Variants in ING5 observed in about 807,000 individuals in gnomAD.
ING5 encodes inhibitor of growth protein 5.
A neutral mutation model predicts 37.4 loss-of-function variants in ING5; 17 were observed. The observed-to-expected ratio is 0.45, with a 90% CI of 0.31 to 0.68. The LOEUF is 0.68. Ranked by LOEUF, ING5 falls within the 30% of genes least tolerant of loss-of-function variation. The pLI, the probability that ING5 is intolerant of heterozygous loss-of-function variation, is 0.05. For synonymous variants in ING5, 123 were observed against 116.6 expected (o/e 1.06, Z -0.36); for missense variants, 233 against 311.9 (o/e 0.75, Z 1.91).
rs991203559 is a variant in ING5 at position 241,727,282 on chromosome 2, G to A, written c.*2251G>A. ...ATGACTTAACTTTTTGTTAGCACAG[G>A]TTTTGTGTGTGTGTGTGTGTGTGTG... On this transcript the variant is annotated 3_prime_UTR_variant, in exon 8 of 8. Coordinates refer to ENST00000313552, the MANE Select transcript of ING5 (RefSeq NM_032329.6). The A allele has an allele frequency of 6.6e-6, 1 of 150,698 alleles. No homozygotes were observed. Among genetic ancestry groups the A allele is most frequent in the Admixed American group, 6.6e-5 (1 of 15,162 alleles). 9.3% of individuals were successfully genotyped at this position (150,698 alleles called of 1,614,324 possible).
intron 3 of ING5, among the ~76,000 whole-genome samples, chr2:241,709,796 G>A (rs2070050347): frequency 6.6e-6 from 1 of 151,702 alleles, no homozygotes; most frequent in African/African-American, 2.4e-5. Flanking sequence ...TAGAAGAGAC[G>A]GGGTTTCACC....
intron 2 of ING5, among the ~76,000 whole-genome samples, chr2:241,708,272 A>G (rs1176808483): frequency 6.8e-6 from 1 of 146,194 alleles, no homozygotes; most frequent in African/African-American, 2.6e-5. Flanking sequence ...CAGTGGCGCT[A>G]TCTTGGCTTT....
In ING5 at chr2:241,719,271, C is replaced by T. The variant is rs141832098; in HGVS notation, c.483-3668C>T. ...TCTGGACTATAAATGTCGGTGGGGA[C>T]GCGGCCGCCATGTGTGGCTGTGTGG... On this transcript the variant is annotated intron_variant, in intron 5 of 7. Transcript: ENST00000313552. 1.1e-3 allele frequency among the ~76,000 whole-genome samples: 164 copies of T among 152,328 alleles called. 1 individual carries two copies. The highest frequency in any genetic ancestry group is 3.7e-3 in the African/African-American group (154 of 41,566).
intron 5 of ING5, chr2:241,719,715 C>T: frequency 1.3e-6 from 2 of 1,492,232 alleles, no homozygotes; most frequent in South Asian, 1.3e-5. Context: ...GGGCTCTGCC[C>T]AGCTTCAGAG....
At chr2:241,709,182 T>C (rs1299576750) in intron 2 of ING5, 34 bp from the exon 3 acceptor site, 2 of 1,591,026 alleles carry the variant, frequency 1.3e-6, no homozygotes, top group Admixed American at 3.5e-5. Context: ...TGGTGTCTTG[T>C]GCAGGGCTAG....
chr2:241,724,173 T>A, intron 7 of ING5: 1 of 661,066 alleles, frequency 1.5e-6, no homozygotes, highest in Non-Finnish European at 2.0e-6. Flanking sequence ...TCGCCCGAGT[T>A]GGTAAGAGCC....
At chr2:241,719,664 G>A (rs1162466636) in intron 5 of ING5, 3 of 1,534,396 alleles carry the variant, frequency 2.0e-6, no homozygotes, top group South Asian at 1.2e-5. Context: ...GGGGGTGAAG[G>A]AGACTCCAGC....
intron 2 of ING5, among the ~76,000 whole-genome samples, chr2:241,706,505 T>G (rs1448713569): frequency 1.3e-5 from 2 of 151,494 alleles, no homozygotes; most frequent in Non-Finnish European, 2.9e-5. Flanking sequence ...GGCGCACGCC[T>G]ATAATCCCAG....
upstream of ING5, among the ~76,000 whole-genome samples, chr2:241,698,688 T>C (rs920677267): frequency 1.3e-5 from 2 of 152,150 alleles, no homozygotes; most frequent in Non-Finnish European, 2.9e-5. Context: ...ATCACAGTCC[T>C]GCCCCCTGGG....
intron 4 of ING5, 109 bp downstream of exon 4, chr2:241,711,597 T>C: frequency 3.5e-6 from 3 of 851,938 alleles, no homozygotes; most frequent in South Asian, 1.8e-5. Flanking sequence ...AAGTATCATA[T>C]TTGGGTAAAC....
intron 7 of ING5, chr2:241,723,679 C>T (rs1000182821): frequency 7.6e-7 from 1 of 1,321,880 alleles, no homozygotes; most frequent in African/African-American, 1.5e-5. Context: ...GAAGCCGGGG[C>T]ATGGATCTGG....
intron 7 of ING5, 97 bp downstream of exon 7, chr2:241,723,368 G>A (rs888390687): frequency 3.9e-5 from 52 of 1,321,352 alleles, no homozygotes; most frequent in Admixed American, 3.5e-4. Context: ...GAATCTTGCC[G>A]GGCTTAGCGG....
chr2:241,709,281 G>C lies in ING5; in HGVS notation c.175G>C (p.Asp59His). ...YISTVKTLSP[D>H]QRVERLQKIQ... is the part of the protein sequence containing the mutation. The stretch of plus-strand genomic sequence containing the variant: ...CTCCACGGTGAAGACGCTGTCTCCA[G>C]ACCAGCGCGTGGAGCGCCTGCAGAA... The change falls in exon 3 of 8, where the codon GAC (aspartate) becomes CAC (histidine). Residue 59 changes from aspartate to histidine, a missense_variant. Transcript: ENST00000313552. The C allele has an allele frequency of 1.2e-6, 2 of 1,614,126 alleles. No individual in the cohort carries two copies. Among genetic ancestry groups the C allele is most frequent in the East Asian group, 2.2e-5 (1 of 44,888 alleles).
At chr2:241,708,255 C>T (rs1234382305) in intron 2 of ING5, among the ~76,000 whole-genome samples, 3 of 149,774 alleles carry the variant, frequency 2.0e-5, no homozygotes, top group South Asian at 2.1e-4. Flanking sequence ...TCGCCCAGGC[C>T]GGACTGCAGT....
chr2:241,688,417 G>C (rs1041215362), intron 1 of ING5, among the ~76,000 whole-genome samples: 1 of 152,196 alleles, frequency 6.6e-6, no homozygotes, highest in African/African-American at 2.4e-5. Flanking sequence ...ACCCACTTCA[G>C]TGCTTTGGGC....
intron 5 of ING5, 156 bp from the exon 6 acceptor site, chr2:241,722,783 C>T (rs1309243085): frequency 4.1e-6 from 4 of 985,226 alleles, no homozygotes; most frequent in Non-Finnish European, 4.8e-6. Flanking sequence ...CATTATGTGT[C>T]GCTCAGAGCA....
At chr2:241,700,150 G>GTTTTTT (rs780209565), upstream of ING5, among the ~76,000 whole-genome samples, 16 of 73,280 alleles carry the variant, frequency 2.2e-4, 1 homozygote, top group East Asian at 4.4e-4. Flanking sequence ...GCCCGGCTAA[G>GTTTTTT]TTTTTTTTTT....
exon 1 of ING5, chr2:241,687,399 G>A (rs992126930): frequency 4.5e-5 from 18 of 398,942 alleles, no homozygotes; most frequent in Middle Eastern, 6.2e-4. Flanking sequence ...TGACAGCAGG[G>A]GCAGGATGGG....
Position 241,720,314 on chromosome 2 carries a change from C to A in ING5, c.483-2625C>A, listed in dbSNP as rs1031593369. On this transcript the variant is annotated intron_variant, in intron 5 of 7. Coordinates refer to ENST00000313552, the MANE Select transcript of ING5 (RefSeq NM_032329.6). ...TCGTGGTCACGCTGTGGTGCCAGGC[C>A]GCTCTGCCTCAAGGCAGGTCCTGTT... is the stretch of plus-strand genomic sequence containing the variant. The A allele has an allele frequency of 3.3e-6, 4 of 1,221,778 alleles. No homozygotes were observed. The African/African-American group carries it at 4.7e-5, about 14-fold the overall frequency. The allele number at this position is 1,221,778 out of a possible 1,614,324, so 75.7% of individuals were successfully genotyped here. A position where few individuals can be genotyped will look rare whatever the true frequency, so the allele number is the denominator to read the frequency against.
Sources: gnomAD v4.1 joint callset for allele counts (sites outside exome capture counted in the v4.1 genomes callset) on GRCh38, gnomAD v4.1.1 for gene constraint, MANE v1.5 for transcripts, NCBI Gene and HGNC (gene_info 2026-07-23, HGNC 2026-07-21) for gene names.